The following SMOC2 variants were observed in gnomAD, a reference collection of about 807,000 sequenced individuals.
The protein encoded by SMOC2 is SPARC-related modular calcium-binding protein 2.
A neutral mutation model predicts 61.4 loss-of-function variants in SMOC2; 39 were observed. The observed-to-expected ratio is 0.64, with a 90% CI of 0.49 to 0.83. The LOEUF (loss-of-function observed/expected upper bound fraction) is 0.83. Ranked by LOEUF, SMOC2 falls within the 40% of genes least tolerant of loss-of-function variation. The probability of loss-of-function intolerance (pLI) is 0.00; values close to 1 mark genes in which losing one functional copy is unlikely to be tolerated. For synonymous variants in SMOC2, 247 were observed against 239.9 expected (o/e 1.03, Z -0.27); for missense variants, 556 against 592.9 (o/e 0.94, Z 0.65).
intron 1 of SMOC2, among the ~76,000 whole-genome samples, chr6:168,494,018 C>G (rs1400264030): frequency 6.6e-6 from 1 of 152,156 alleles, no homozygotes; most frequent in Admixed American, 6.5e-5. Context: ...GGGATCATTC[C>G]GATGCCATTG....
At chr6:168,444,774 C>T (rs575297564) in intron 1 of SMOC2, among the ~76,000 whole-genome samples, 2 of 152,224 alleles carry the variant, frequency 1.3e-5, no homozygotes, top group African/African-American at 2.4e-5. Context: ...AGCAAACAGG[C>T]GTGATCACAA....
rs1422653347 is a variant in SMOC2, at chr6:168,489,602, AATTGTCTGGGTCCCCTTGG to A, written c.85-20310_85-20292del. ...CACTGTTTTAGAATGAAATATATCA[AATTGTCTGGGTCCCCTTGG>A]ATCACACTGTTTTAGAATGAAATAT... On this transcript the variant is annotated intron_variant, in intron 1 of 12. Coordinates refer to ENST00000356284, the MANE Select transcript of SMOC2 (RefSeq NM_001166412.2). Among the ~76,000 whole-genome samples, 62 of 147,418 alleles carry A rather than the reference AATTGTCTGGGTCCCCTTGG, an allele frequency of 4.2e-4. 8 individuals carry two copies. Among genetic ancestry groups the A allele is most frequent in the African/African-American group, 1.3e-3 (49 of 38,248 alleles).
chr6:168,453,295 G>A lies in SMOC2; in HGVS notation c.84+11841G>A, dbSNP rs1446446724. 3.3e-5 allele frequency among the ~76,000 whole-genome samples: 5 copies of A among 152,178 alleles called. No individual in the cohort carries two copies. Among genetic ancestry groups the A allele is most frequent in the Non-Finnish European group, 7.4e-5 (5 of 68,026 alleles). ...GGGGGTGTGGTGGCCTCAAGGCTCC[G>A]TCACCCTGCGGCCCTGTCATTTCGG... On this transcript the variant is annotated intron_variant, in intron 1 of 12. Transcript: ENST00000356284. The surrounding 1 kb of genome is among the most constrained non-coding windows in gnomAD (Gnocchi z 4.4).
intron 9 of SMOC2, among the ~76,000 whole-genome samples, chr6:168,632,780 T>G (rs1360141205): frequency 6.6e-6 from 1 of 152,224 alleles, no homozygotes; most frequent in Non-Finnish European, 1.5e-5. Context: ...AGGACAGAAT[T>G]CTGTGGCTCG....
chr6:168,647,201 G>C (rs1028987550), intron 9 of SMOC2, among the ~76,000 whole-genome samples: 1 of 152,194 alleles, frequency 6.6e-6, no homozygotes, highest in Non-Finnish European at 1.5e-5. Flanking sequence ...AGGGTGACTG[G>C]GTACATCGCT....
At chr6:168,518,637 GTGTA>G (rs1306237506) in intron 2 of SMOC2, among the ~76,000 whole-genome samples, 9 of 37,584 alleles carry the variant, frequency 2.4e-4, no homozygotes, top group Non-Finnish European at 5.7e-4. Context: ...GCATGTGTGA[GTGTA>G]TGCTTGTGTG....
At chr6:168,477,415 A>G (rs570583517) in intron 1 of SMOC2, among the ~76,000 whole-genome samples, 10 of 152,336 alleles carry the variant, frequency 6.6e-5, no homozygotes, top group African/African-American at 2.2e-4. Context: ...CTGAGTCATT[A>G]CATGTGTGTT....
At position 168,650,019 on chromosome 6, in the gene SMOC2, G is replaced by A. The variant is rs73244528; in HGVS notation, c.908-662G>A. On this transcript the variant is annotated intron_variant, in intron 9 of 12. Coordinates refer to ENST00000356284, the MANE Select transcript of SMOC2 (RefSeq NM_001166412.2). ...TTCCTAACCGGTGGGAGAGGAGAGTGGTGTTGAGGGAAGGATGGAGGGGAA... is the reference window on the plus strand; with the variant it reads ...TTCCTAACCGGTGGGAGAGGAGAGTAGTGTTGAGGGAAGGATGGAGGGGAA... Among the ~76,000 whole-genome samples the A allele has an allele frequency of 9.3e-3, 1,414 of 152,226 alleles. 31 individuals carry two copies. Among genetic ancestry groups the A allele is most frequent in the African/African-American group, 0.033 (1,352 of 41,526 alleles).
intron 9 of SMOC2, among the ~76,000 whole-genome samples, chr6:168,624,318 G>A (rs1786326986): frequency 6.6e-6 from 1 of 152,180 alleles, no homozygotes; most frequent in Admixed American, 6.5e-5. Context: ...AACCCACATG[G>A]AAGCTAATCT....
chr6:168,660,638 G>A (rs1343856875), intron 11 of SMOC2, among the ~76,000 whole-genome samples: 13 of 152,226 alleles, frequency 8.5e-5, no homozygotes, highest in African/African-American at 2.9e-4. Flanking sequence ...CAGGTTCAGC[G>A]CAGGTCAGCA....
rs908163785 is a variant in SMOC2, at chr6:168,475,453, G to A, written c.84+33999G>A. Among the ~76,000 whole-genome samples, 5 of 152,122 alleles carry A rather than the reference G, an allele frequency of 3.3e-5. No individual in the cohort carries two copies. On this transcript the variant is annotated intron_variant, in intron 1 of 12. Coordinates refer to ENST00000356284, the MANE Select transcript of SMOC2 (RefSeq NM_001166412.2). This position sits in a 1 kb window ranked among gnomAD's most constrained non-coding sequence, Gnocchi z 4.6. ...TCCCTCCCCCACCCCACCAGGTCGT[G>A]ATCCCTGAGGGAAGCATGGTCTCAT...
intron 4 of SMOC2, among the ~76,000 whole-genome samples, chr6:168,541,413 G>A (rs891787950): frequency 3.3e-5 from 5 of 152,120 alleles, no homozygotes; most frequent in Non-Finnish European, 7.3e-5. Context: ...AAGTACAGCC[G>A]GCAATCTTGC....
In SMOC2 at chr6:168,509,980, A is replaced by G. The variant is rs546939205; in HGVS notation, c.150A>G (p.Lys50=). 1 of 1,613,970 alleles carries G rather than the reference A, an allele frequency of 6.2e-7. No homozygotes were observed. Among genetic ancestry groups the G allele is most frequent in the African/African-American group, 1.3e-5 (1 of 74,966 alleles). Residue 50 remains lysine (K), a synonymous_variant, in exon 2 of 13, where the codon AAA becomes AAG. Coordinates refer to ENST00000356284, the MANE Select transcript of SMOC2 (RefSeq NM_001166412.2). The stretch of plus-strand genomic sequence containing the variant: ...TGGACTGTGCGGGTTCGCCCCAGAA[A>G]CCTCTCTGCGCATCTGACGGAAGGA... ...CSLDCAGSPQ[K]PLCASDGRTF... is the part of the protein sequence containing the mutation.
chr6:168,497,654 C>G (rs761370219), intron 1 of SMOC2, among the ~76,000 whole-genome samples: 2 of 152,208 alleles, frequency 1.3e-5, no homozygotes, highest in African/African-American at 2.4e-5. Flanking sequence ...GACCAATCCC[C>G]GTTAGGAGCC....
intron 7 of SMOC2, among the ~76,000 whole-genome samples, chr6:168,581,139 C>T (rs539466879): frequency 6.6e-5 from 10 of 152,228 alleles, no homozygotes; most frequent in Admixed American, 5.2e-4. Flanking sequence ...CCCCCTGCCC[C>T]CACACCTGGT....
intron 9 of SMOC2, among the ~76,000 whole-genome samples, chr6:168,643,668 AGGT>A (rs1204991907): frequency 0.013 from 1,939 of 152,296 alleles, 50 homozygotes; most frequent in African/African-American, 0.044. Flanking sequence ...GGAGAGCTCC[AGGT>A]GAGCTCGGCA....
chr6:168,667,017 C>G lies in SMOC2; in HGVS notation c.*579C>G, dbSNP rs1422072477. 6.6e-6 allele frequency: 1 copy of G among 152,322 alleles called. No homozygotes were observed. Among genetic ancestry groups the G allele is most frequent in the East Asian group, 1.9e-4 (1 of 5,190 alleles). 9.4% of individuals were successfully genotyped at this position (152,322 alleles called of 1,614,324 possible). The stretch of plus-strand genomic sequence containing the variant: ...TATCCAGTTAAGTGCAGGTAGTTCC[C>G]CTGGAGGAAATAATATTTTCAAACT... On this transcript the variant is annotated 3_prime_UTR_variant, in exon 13 of 13. Coordinates refer to ENST00000356284, the MANE Select transcript of SMOC2 (RefSeq NM_001166412.2).
At chr6:168,660,861 T>A (rs115996099) in intron 11 of SMOC2, among the ~76,000 whole-genome samples, 484 of 152,358 alleles carry the variant, frequency 3.2e-3, no homozygotes, top group African/African-American at 0.011. Context: ...CGCGATCTCT[T>A]CTGATGCCAT....
rs1783667927 is a variant in SMOC2 at position 168,533,827 on chromosome 6, T to TA, written c.463+6102dup. 2.6e-5 allele frequency among the ~76,000 whole-genome samples: 4 copies of TA among 152,288 alleles called. No homozygotes were observed. The South Asian group carries it at 6.2e-4, about 24-fold the overall frequency. On this transcript the variant is annotated intron_variant, in intron 4 of 12. Transcript: ENST00000356284. Reference sequence around the variant, plus strand: ...AAGAAAATGTAAAAACAAACAACCTTAAGGAGAAGTAGGAAATGCACCGAA... The same window carrying TA: ...AAGAAAATGTAAAAACAAACAACCTTAAAGGAGAAGTAGGAAATGCACCGAA...
Sources: gnomAD v4.1 joint callset for allele counts (sites outside exome capture counted in the v4.1 genomes callset) on GRCh38, gnomAD v4.1.1 for gene constraint, Gnocchi (gnomAD v3.1) non-coding constraint, MANE v1.5 for transcripts, NCBI Gene and HGNC (gene_info 2026-07-23, HGNC 2026-07-21) for gene names.